The following N4BP2L1 variants were observed in gnomAD, a reference collection of about 807,000 sequenced individuals.
The protein encoded by N4BP2L1 is NEDD4-binding protein 2-like 1.
A neutral mutation model predicts 21.2 loss-of-function variants in N4BP2L1; 12 were observed. That is an observed-to-expected ratio of 0.57 (90% CI 0.36 to 0.92). The LOEUF is 0.92. Among genes scored for constraint, N4BP2L1 ranks in the 40% least tolerant of loss-of-function variants. The pLI, the probability that N4BP2L1 is intolerant of heterozygous loss-of-function variation, is 0.01. For missense variants in N4BP2L1, 259 were observed against 310.6 expected, an observed-to-expected ratio of 0.83 and a Z score of 1.25; for synonymous variants, 104 against 112.8, an observed-to-expected ratio of 0.92 and a Z score of 0.49.
At chr13:32,424,468 T>C (rs2074654799) in intron 1 of N4BP2L1, among the ~76,000 whole-genome samples, 1 of 152,218 alleles carries the variant, frequency 6.6e-6, no homozygotes, top group African/African-American at 2.4e-5. Flanking sequence ...AGTGGGCTGA[T>C]TATGTCTTTC....
chr13:32,402,497 TG>T lies in N4BP2L1; in HGVS notation c.*444del. On this transcript the variant is annotated 3_prime_UTR_variant, in exon 5 of 5. Coordinates refer to ENST00000380130, the MANE Select transcript of N4BP2L1 (RefSeq NM_052818.3). The stretch of plus-strand genomic sequence containing the variant: ...GATACATAGATTATCAAAGTAGCAA[TG>T]GCACTTTGATAAGTAGCAATGCCCC... The T allele has an allele frequency of 1.5e-6, 1 of 685,510 alleles. No homozygotes were observed. Among genetic ancestry groups the T allele is most frequent in the Non-Finnish European group, 1.7e-6 (1 of 590,286 alleles). 42.5% of individuals were successfully genotyped at this position (685,510 alleles called of 1,614,324 possible). A position where few individuals can be genotyped will look rare whatever the true frequency, so the allele number is the denominator to read the frequency against.
chr13:32,427,160 G>A (rs206337), intron 1 of N4BP2L1, among the ~76,000 whole-genome samples: 41,095 of 152,230 alleles, frequency 0.27, 6,120 homozygotes, highest in South Asian at 0.4. Context: ...TACGCAATTC[G>A]CAAGTGAACG....
chr13:32,415,848 C>T (rs1414083047), intron 1 of N4BP2L1: 2 of 152,354 alleles, frequency 1.3e-5, no homozygotes, highest in South Asian at 4.1e-4. Context: ...CCCACTTTAA[C>T]TCTGGCACTC....
upstream of N4BP2L1, among the ~76,000 whole-genome samples, chr13:32,428,966 G>A (rs1014568172): frequency 6.6e-6 from 1 of 152,236 alleles, no homozygotes; most frequent in Non-Finnish European, 1.5e-5. Context: ...CCTCAAGAGC[G>A]TGACAGAGTG....
Position 32,402,023 on chromosome 13 carries a change from T to A in N4BP2L1, c.*919A>T. 1.0e-6 allele frequency: 1 copy of A among 985,446 alleles called. No homozygotes were observed. The highest frequency in any genetic ancestry group is 1.2e-6 in the Non-Finnish European group (1 of 829,916). The allele number at this position is 985,446 out of a possible 1,614,324, so 61.0% of individuals were successfully genotyped here. On this transcript the variant is annotated 3_prime_UTR_variant, in exon 5 of 5. Transcript: ENST00000380130. ...TCAACTGCTCATTTTGTAATGAGCA[T>A]GGCTTTTATATATCCCTGTATGACC...
chr13:32,407,433 T>C (rs758052404), intron 2 of N4BP2L1, 95 bp from the exon 3 acceptor site: 1 of 1,599,082 alleles, frequency 6.3e-7, no homozygotes, highest in Non-Finnish European at 8.5e-7. Flanking sequence ...CAGGATGCCC[T>C]CATCTCCTCA....
At chr13:32,409,161 C>A (rs1188592376) in intron 1 of N4BP2L1, among the ~76,000 whole-genome samples, 1 of 152,084 alleles carries the variant, frequency 6.6e-6, no homozygotes, top group African/African-American at 2.4e-5. Context: ...TGAGATACTG[C>A]GGTGAATTAA....
Position 32,403,219 on chromosome 13 carries a change from C to A in N4BP2L1, c.474-19G>T, listed in dbSNP as rs1324060424. 1 of 1,574,306 alleles carries A rather than the reference C, an allele frequency of 6.4e-7. No homozygotes were observed. Among genetic ancestry groups the A allele is most frequent in the East Asian group, 2.2e-5 (1 of 44,470 alleles). ...GTTTCTTCTACATGGAAAAAAAATG[C>A]ATTTAGTTAAGGCAGGATACCACAA... On this transcript the variant is annotated intron_variant, in intron 4 of 4. Transcript: ENST00000380130.
chr13:32,405,694 A>G (rs2073435779), intron 3 of N4BP2L1, among the ~76,000 whole-genome samples: 1 of 152,140 alleles, frequency 6.6e-6, no homozygotes, highest in East Asian at 1.9e-4. Flanking sequence ...TACATTCACC[A>G]AAGCCCCACA....
At chr13:32,404,818 T>C (rs1445698185) in intron 3 of N4BP2L1, among the ~76,000 whole-genome samples, 2 of 151,900 alleles carry the variant, frequency 1.3e-5, no homozygotes, top group African/African-American at 4.8e-5. Context: ...CATAGGAACA[T>C]AACTGGTGAA....
At chr13:32,428,870 G>A (rs1158410438), upstream of N4BP2L1, among the ~76,000 whole-genome samples, 3 of 152,226 alleles carry the variant, frequency 2.0e-5, no homozygotes, top group African/African-American at 7.2e-5. Flanking sequence ...ACCATTTATA[G>A]AGAAGTATCC....
At chr13:32,423,903 C>A (rs940546779) in intron 1 of N4BP2L1, among the ~76,000 whole-genome samples, 31 of 152,230 alleles carry the variant, frequency 2.0e-4, no homozygotes, top group African/African-American at 7.5e-4. Flanking sequence ...AATACAATGC[C>A]AGTGGATTGT....
At chr13:32,421,235 C>A (rs17077565) in intron 1 of N4BP2L1, among the ~76,000 whole-genome samples, 7,748 of 152,200 alleles carry the variant, frequency 0.051, 357 homozygotes, top group African/African-American at 0.13. Flanking sequence ...ATGAAGCTTA[C>A]GTTCTAGTAA....
rs968337437 is a variant in N4BP2L1 at position 32,400,820 on chromosome 13, G to A, written c.*2122C>T. On this transcript the variant is annotated 3_prime_UTR_variant, in exon 5 of 5. Transcript: ENST00000380130. Reference sequence around the variant, plus strand: ...CAGTTCTATGAATGATGCAAACAGCGAACACAATACAAGTCAATATTGGGT... The same window carrying A: ...CAGTTCTATGAATGATGCAAACAGCAAACACAATACAAGTCAATATTGGGT... 5.3e-5 allele frequency: 8 copies of A among 152,130 alleles called. No homozygotes were observed. Among genetic ancestry groups the A allele is most frequent in the Admixed American group, 2.6e-4 (4 of 15,274 alleles). The allele number at this position is 152,130 out of a possible 1,614,324, so 9.4% of individuals were successfully genotyped here. A position where few individuals can be genotyped will look rare whatever the true frequency, so the allele number is the denominator to read the frequency against.
At chr13:32,411,562 C>G in intron 1 of N4BP2L1, 1 of 985,264 alleles carries the variant, frequency 1.0e-6, no homozygotes, top group Non-Finnish European at 1.2e-6. Flanking sequence ...GAGGGTTAAG[C>G]CCCAGTTCTA....
chr13:32,428,093 G>A lies in N4BP2L1; in HGVS notation c.-11C>T. 1 of 1,441,364 alleles carries A rather than the reference G, an allele frequency of 6.9e-7. No homozygotes were observed. Among genetic ancestry groups the A allele is most frequent in the South Asian group, 1.5e-5 (1 of 66,768 alleles). 89.3% of individuals were successfully genotyped at this position (1,441,364 alleles called of 1,614,324 possible). A position where few individuals can be genotyped will look rare whatever the true frequency, so the allele number is the denominator to read the frequency against. On this transcript the variant is annotated 5_prime_UTR_variant, in exon 1 of 5. Transcript: ENST00000380130. ...GAAACTGTCCTCCATGGGCAGGAGG[G>A]CTGGCTGCGAGAGCCCCGGGTTCCC... is the stretch of plus-strand genomic sequence containing the variant.
intron 1 of N4BP2L1, among the ~76,000 whole-genome samples, chr13:32,417,203 C>T (rs529180275): frequency 6.6e-6 from 1 of 152,282 alleles, no homozygotes; most frequent in African/African-American, 2.4e-5. Flanking sequence ...ACCTTAGATT[C>T]AGTTCGTCCT....
rs1207604598 is a variant in N4BP2L1 at position 32,402,137 on chromosome 13, G to A, written c.*805C>T. ...GTTAATAGGCATAATTTTAGAAGTC[G>A]TTTATTCCTTTTAAAAGTTAGTGTT... On this transcript the variant is annotated 3_prime_UTR_variant, in exon 5 of 5. Coordinates refer to ENST00000380130, the MANE Select transcript of N4BP2L1 (RefSeq NM_052818.3). The A allele has an allele frequency of 1.4e-5, 14 of 984,752 alleles. No homozygotes were observed. Among genetic ancestry groups the A allele is most frequent in the African/African-American group, 1.7e-5 (1 of 57,194 alleles). The allele number at this position is 984,752 out of a possible 1,614,324, so 61.0% of individuals were successfully genotyped here.
Position 32,402,280 on chromosome 13 carries a change from G to T in N4BP2L1, c.*662C>A. ...AGGCGTGACTTTAAATAATGACACT[G>T]ATTTCCCTCAGTAGCTCCTGTAGCT... is the stretch of plus-strand genomic sequence containing the variant. On this transcript the variant is annotated 3_prime_UTR_variant, in exon 5 of 5. Coordinates refer to ENST00000380130, the MANE Select transcript of N4BP2L1 (RefSeq NM_052818.3). The T allele has an allele frequency of 1.5e-6, 1 of 667,848 alleles. No individual in the cohort carries two copies. Among genetic ancestry groups the T allele is most frequent in the Non-Finnish European group, 1.9e-6 (1 of 540,194 alleles). The allele number at this position is 667,848 out of a possible 1,614,324, so 41.4% of individuals were successfully genotyped here. A position where few individuals can be genotyped will look rare whatever the true frequency, so the allele number is the denominator to read the frequency against.
Sources: allele counts gnomAD v4.1 joint callset (sites outside exome capture counted in the v4.1 genomes callset), GRCh38; gene constraint gnomAD v4.1.1; transcripts MANE v1.5; gene names NCBI Gene and HGNC (gene_info 2026-07-23, HGNC 2026-07-21).